Variants in TEAD1 observed in about 807,000 individuals in gnomAD.
TEAD1 encodes the protein transcriptional enhancer factor TEF-1.
A neutral mutation model predicts 54.9 loss-of-function variants in TEAD1; 9 were observed. The observed-to-expected ratio is 0.16, with a 90% CI of 0.10 to 0.29. TEAD1 has a LOEUF of 0.29. Among genes scored for constraint, TEAD1 ranks in the 10% least tolerant of loss-of-function variants. The pLI is 1.00. For missense variants in TEAD1, 387 were observed against 535.9 expected (o/e 0.72, Z 2.74); for synonymous variants, 200 against 187.8 (o/e 1.07, Z -0.53).
chr11:12,885,549 T>C (rs1948070524), intron 9 of TEAD1, among the ~76,000 whole-genome samples: 1 of 152,126 alleles, frequency 6.6e-6, no homozygotes, highest in Admixed American at 6.5e-5. Flanking sequence ...GAATTGTCTT[T>C]TCAGTCTGAA....
intron 2 of TEAD1, among the ~76,000 whole-genome samples, chr11:12,690,254 A>AG (rs989134816): frequency 1.3e-5 from 2 of 151,482 alleles, no homozygotes; most frequent in Non-Finnish European, 2.9e-5. Context: ...AAAAAAAAAA[A>AG]AAAAAAAAAT....
rs1037097446 is a variant in TEAD1 at position 12,809,466 on chromosome 11, G to C, written c.202+45032G>C. 1.3e-5 allele frequency among the ~76,000 whole-genome samples: 2 copies of C among 152,170 alleles called. 1 individual carries two copies. The highest frequency in any genetic ancestry group is 2.9e-5 in the Non-Finnish European group (2 of 68,032). On this transcript the variant is annotated intron_variant, in intron 3 of 12. Transcript: ENST00000527636. ...ATTTCTGAATCTGGACTTGTGTCTT[G>C]TAGGCATTCAAGAAGTAGCAGTTGG...
chr11:12,913,308 T>C (rs1269505835), intron 10 of TEAD1, among the ~76,000 whole-genome samples: 1 of 152,202 alleles, frequency 6.6e-6, no homozygotes, highest in African/African-American at 2.4e-5. Context: ...AGGTTTGTTA[T>C]GAATAGTTTG....
At position 12,941,797 on chromosome 11, in the gene TEAD1, AG is replaced by A; in HGVS notation, c.*4576del. 6.5e-6 allele frequency: 1 copy of A among 152,744 alleles called. No individual in the cohort carries two copies. Among genetic ancestry groups the A allele is most frequent in the East Asian group, 1.9e-4 (1 of 5,180 alleles). 9.5% of individuals were successfully genotyped at this position (152,744 alleles called of 1,614,324 possible). ...CCTCAGAACTGTGAGCCCTTTTGTA[AG>A]CTGGAAGCATTTCTCTTACTACTGT... On this transcript the variant is annotated 3_prime_UTR_variant, in exon 13 of 13. Transcript: ENST00000527636.
rs142010132 is a variant in TEAD1, at chr11:12,828,607, T to C, written c.203-33643T>C. ...ATTTCTTAAAGATACAGCTTTTGTT[T>C]TCACAAAACTGAAGTCAGGCAATAT... On this transcript the variant is annotated intron_variant, in intron 3 of 12. Transcript: ENST00000527636. Among the ~76,000 whole-genome samples the C allele has an allele frequency of 6.9e-3, 1,048 of 152,126 alleles. 14 individuals are homozygous for C. Among genetic ancestry groups the C allele is most frequent in the African/African-American group, 0.024 (992 of 41,508 alleles).
At chr11:12,763,597 C>T (rs1179385204) in intron 2 of TEAD1, among the ~76,000 whole-genome samples, 3 of 152,212 alleles carry the variant, frequency 2.0e-5, no homozygotes, top group Non-Finnish European at 2.9e-5. Context: ...TTGATCCTGC[C>T]ACCATCTTGC....
At chr11:12,766,368 G>A (rs951034922) in intron 3 of TEAD1, among the ~76,000 whole-genome samples, 5 of 152,172 alleles carry the variant, frequency 3.3e-5, no homozygotes, top group Non-Finnish European at 7.3e-5. Context: ...TTGTATAAGA[G>A]CTCTTGTTGG....
At chr11:12,740,873 T>C (rs1212165949) in intron 2 of TEAD1, among the ~76,000 whole-genome samples, 1 of 152,174 alleles carries the variant, frequency 6.6e-6, no homozygotes, top group Non-Finnish European at 1.5e-5. Context: ...TGATAAAGGA[T>C]TCAAGTATCC....
chr11:12,679,471 G>A (rs150218892), intron 2 of TEAD1, among the ~76,000 whole-genome samples: 394 of 152,288 alleles, frequency 2.6e-3, no homozygotes, highest in African/African-American at 8.0e-3. Context: ...GACAGGTTTA[G>A]ATGTATGTGT....
intron 3 of TEAD1, among the ~76,000 whole-genome samples, chr11:12,861,313 G>T (rs1416878235): frequency 6.6e-6 from 1 of 152,168 alleles, no homozygotes; most frequent in African/African-American, 2.4e-5. Context: ...TGGTGGGATA[G>T]GGCTAGAAGG....
chr11:12,727,427 C>T (rs1019576567), intron 2 of TEAD1, among the ~76,000 whole-genome samples: 12 of 152,142 alleles, frequency 7.9e-5, no homozygotes, highest in African/African-American at 2.7e-4. Flanking sequence ...GTAGGCGCTT[C>T]GCATCTCTGA....
At chr11:12,713,787 G>A (rs889550951) in intron 2 of TEAD1, among the ~76,000 whole-genome samples, 7 of 152,130 alleles carry the variant, frequency 4.6e-5, no homozygotes, top group Non-Finnish European at 8.8e-5. Flanking sequence ...TTTCCACTCC[G>A]CCGTCCTTTG....
intron 3 of TEAD1, among the ~76,000 whole-genome samples, chr11:12,859,640 G>T (rs949999829): frequency 6.6e-6 from 1 of 152,198 alleles, no homozygotes; most frequent in Non-Finnish European, 1.5e-5. Flanking sequence ...GCTTAGAAAA[G>T]CAATCCTCAA....
At chr11:12,860,306 A>G (rs1947471933) in intron 3 of TEAD1, among the ~76,000 whole-genome samples, 1 of 152,184 alleles carries the variant, frequency 6.6e-6, no homozygotes, top group South Asian at 2.1e-4. Context: ...TACTTCCTCA[A>G]TTTTAGAAGT....
intron 2 of TEAD1, among the ~76,000 whole-genome samples, chr11:12,703,964 C>A (rs1419231870): frequency 6.6e-6 from 1 of 152,138 alleles, no homozygotes; most frequent in Non-Finnish European, 1.5e-5. Context: ...ACCCTAAATT[C>A]CCTAGAAGCA....
chr11:12,675,265 ACCCCCCTGCTTTCGCCGCCG>A (rs1444881878), intron 1 of TEAD1, 124 bp from the exon 2 acceptor site: 1 of 151,468 alleles, frequency 6.6e-6, no homozygotes, highest in Non-Finnish European at 1.5e-5. Context: ...GCCGGCCTGC[ACCCCCCTGCTTTCGCCGCCG>A]CCCCCCGGCG....
At chr11:12,676,308 A>G (rs1943086649) in intron 2 of TEAD1, among the ~76,000 whole-genome samples, 2 of 152,136 alleles carry the variant, frequency 1.3e-5, no homozygotes, top group African/African-American at 4.8e-5. Context: ...GTTGCCTGCA[A>G]TGGTTACCTG....
At chr11:12,914,428 G>C (rs759173861) in intron 10 of TEAD1, among the ~76,000 whole-genome samples, 27 of 152,206 alleles carry the variant, frequency 1.8e-4, no homozygotes, top group Non-Finnish European at 3.2e-4. Flanking sequence ...GCAGGCTACA[G>C]CTGCTGTCTC....
rs551374830 is a variant in TEAD1, at chr11:12,749,723, G to A, written c.-54-14456G>A. Among the ~76,000 whole-genome samples, 4 of 152,280 alleles carry A rather than the reference G, an allele frequency of 2.6e-5. No homozygotes were observed. In the South Asian group the frequency reaches 6.2e-4, roughly 24 times the overall value. ...GAATGCCCTTACAGTGCTTGTGGAC[G>A]GCTTAGAGTGGTCTTGTGCCCACAG... On this transcript the variant is annotated intron_variant, in intron 2 of 12. Transcript: ENST00000527636.
Sources: allele counts gnomAD v4.1 joint callset (sites outside exome capture counted in the v4.1 genomes callset), GRCh38; gene constraint gnomAD v4.1.1; transcripts MANE v1.5; gene names NCBI Gene and HGNC (gene_info 2026-07-23, HGNC 2026-07-21).